Variants in ARHGEF17 observed in about 807,000 individuals in gnomAD.
ARHGEF17 encodes the protein Rho guanine nucleotide exchange factor 17.
A neutral mutation model predicts 174.0 loss-of-function variants in ARHGEF17; 80 were observed. That is an observed-to-expected ratio of 0.46 (90% confidence interval 0.38 to 0.55). The LOEUF is 0.55. Ranked by LOEUF, ARHGEF17 falls within the 20% of genes least tolerant of loss-of-function variation. The pLI is 0.00. For synonymous variants in ARHGEF17, 1,311 were observed against 1,189.1 expected, an observed-to-expected ratio of 1.10 and a Z score of -2.11; for missense variants, 2,886 against 2,839.7, an observed-to-expected ratio of 1.02 and a Z score of -0.37.
intron 7 of ARHGEF17, 58 bp from the exon 8 acceptor site, chr11:73,356,967 G>A: frequency 6.4e-7 from 1 of 1,571,768 alleles, no homozygotes; most frequent in South Asian, 1.1e-5. Context: ...ACTATGGGCA[G>A]GGGGGTGGGC....
intron 1 of ARHGEF17, among the ~76,000 whole-genome samples, chr11:73,328,754 C>T (rs1865143644): frequency 6.6e-6 from 1 of 152,222 alleles, no homozygotes; most frequent in Admixed American, 6.5e-5. Flanking sequence ...TCAGTGGGAA[C>T]CTCGTCCTCT....
rs779602740 is a variant in ARHGEF17 at position 73,310,266 on chromosome 11, G to A, written c.1628G>A (p.Arg543Lys). The change falls in exon 1 of 21, where the codon AGA (arginine) becomes AAA (lysine). Residue 543 changes from arginine (R) to lysine (K), a missense_variant. Physicochemically the swap from Arg to Lys is conservative, Grantham distance 26. Transcript: ENST00000263674. ...AAGGACTTGACAGCCACTCTGCGGA[G>A]AGCAAAGTCATTCACCTGCTCTGAG... ...TLKDLTATLR[R>K]AKSFTCSEKP... 2.5e-6 allele frequency: 4 copies of A among 1,613,908 alleles called. No individual in the cohort carries two copies. Among genetic ancestry groups the A allele is most frequent in the African/African-American group, 1.3e-5 (1 of 74,930 alleles).
At chr11:73,361,852 CAA>C (rs367973557) in intron 12 of ARHGEF17, among the ~76,000 whole-genome samples, 186 bp from the exon 13 acceptor site, 261 of 119,554 alleles carry the variant, frequency 2.2e-3, no homozygotes, top group African/African-American at 7.1e-3. Flanking sequence ...AGAACCAATC[CAA>C]AAAAAAAAAA....
At chr11:73,363,619 G>T in intron 15 of ARHGEF17, 128 bp from the exon 16 acceptor site, 2 of 1,495,396 alleles carry the variant, frequency 1.3e-6, no homozygotes. Context: ...GGGAGGCTGT[G>T]GGACCTCAGT....
intron 2 of ARHGEF17, among the ~76,000 whole-genome samples, chr11:73,350,180 A>G (rs977089527): frequency 2.0e-5 from 3 of 152,248 alleles, no homozygotes; most frequent in Non-Finnish European, 4.4e-5. Context: ...TAGATATTAT[A>G]TTCTTTATAC....
rs554421422 is a variant in ARHGEF17 at position 73,367,714 on chromosome 11, C to T, written c.6126C>T (p.Gly2042=). 10 of 1,614,042 alleles carry T rather than the reference C, an allele frequency of 6.2e-6. No homozygotes were observed. Among genetic ancestry groups the T allele is most frequent in the Middle Eastern group, 1.7e-4 (1 of 6,060 alleles). ...GYEDFRLSSG[G]GSSSETVGRD... ...AGGACTTCCGACTCAGCAGTGGGGG[C>T]GGCAGCAGCAGTGAGACTGTGGGTC... The change falls in exon 21 of 21, where the codon GGC becomes GGT. Residue 2042 remains glycine, a synonymous_variant. Transcript: ENST00000263674.
intron 1 of ARHGEF17, among the ~76,000 whole-genome samples, chr11:73,332,408 T>TGTGTGTGTGTGTGTG: frequency 1.5e-5 from 1 of 67,760 alleles, no homozygotes; most frequent in East Asian, 6.3e-4. Flanking sequence ...TGTGTGTGTG[T>TGTGTGTGTGTGTGTG]ATTTTAAATA....
At chr11:73,343,183 C>T (rs1278863315) in intron 1 of ARHGEF17, 3 of 397,878 alleles carry the variant, frequency 7.5e-6, no homozygotes, top group African/African-American at 6.2e-5. Context: ...TTCACCATCG[C>T]GCTGGAAGAC....
chr11:73,351,402 G>A (rs994115862), intron 2 of ARHGEF17, among the ~76,000 whole-genome samples: 7 of 152,092 alleles, frequency 4.6e-5, no homozygotes, highest in African/African-American at 1.7e-4. Flanking sequence ...CCCCTGAGCT[G>A]GGCTATTAAA....
intron 2 of ARHGEF17, 112 bp from the exon 3 acceptor site, chr11:73,352,718 C>T (rs754925662): frequency 2.2e-5 from 26 of 1,160,222 alleles, no homozygotes; most frequent in Admixed American, 3.9e-5. Context: ...GAAGGCAGGG[C>T]GCTGAGCTGC....
chr11:73,365,584 A>G lies in ARHGEF17; in HGVS notation c.5725+20A>G, dbSNP rs780688805. The G allele has an allele frequency of 4.3e-6, 7 of 1,612,966 alleles. No individual in the cohort carries two copies. The highest frequency in any genetic ancestry group is 5.1e-6 in the Non-Finnish European group (6 of 1,179,074). ...TGGCAGGTACTGACCTCAAACTACC[A>G]CAGCACCCTCCTTGGAGCCTTTCTG... On this transcript the variant is annotated intron_variant, in intron 19 of 20. Coordinates refer to ENST00000263674, the MANE Select transcript of ARHGEF17 (RefSeq NM_014786.4). The surrounding 1 kb of genome is among the most constrained non-coding windows in gnomAD (Gnocchi z 4.9).
chr11:73,349,714 G>A (rs1392120189), intron 2 of ARHGEF17, among the ~76,000 whole-genome samples: 1 of 152,254 alleles, frequency 6.6e-6, no homozygotes, highest in African/African-American at 2.4e-5. Context: ...GAGCAGGCAG[G>A]GCTTGGGCAT....
rs146397383 is a variant in ARHGEF17 at position 73,367,698 on chromosome 11, G to A, written c.6110G>A (p.Arg2037Gln). Reference protein sequence around the residue: ...ISGGDGYEDFRLSSGGGSSSE... With the variant: ...ISGGDGYEDFQLSSGGGSSSE... ...GGAGGTGATGGCTATGAGGACTTCCGACTCAGCAGTGGGGGCGGCAGCAGC... is the reference window on the plus strand; with the variant it reads ...GGAGGTGATGGCTATGAGGACTTCCAACTCAGCAGTGGGGGCGGCAGCAGC... Residue 2037 changes from arginine (R) to glutamine (Q), a missense_variant, in exon 21 of 21, where the codon CGA (arginine) becomes CAA (glutamine). Arg to Gln is a conservative substitution (Grantham distance 43). Around this residue, in one of 4 missense-constraint regions of ARHGEF17, gnomAD observed 329 missense variants for 435.2 expected, o/e 0.76. Coordinates refer to ENST00000263674, the MANE Select transcript of ARHGEF17 (RefSeq NM_014786.4). 292 of 1,613,982 alleles carry A rather than the reference G, an allele frequency of 1.8e-4. No individual in the cohort carries two copies. Among genetic ancestry groups the A allele is most frequent in the Middle Eastern group, 3.3e-4 (2 of 6,084 alleles).
At chr11:73,325,996 A>G (rs2135792908) in intron 1 of ARHGEF17, among the ~76,000 whole-genome samples, 1 of 152,374 alleles carries the variant, frequency 6.6e-6, no homozygotes, top group Admixed American at 6.5e-5. Context: ...AGTCTTGGAT[A>G]ATTAACGCTG....
chr11:73,308,880 C>T lies in ARHGEF17; in HGVS notation c.242C>T (p.Ser81Leu). The T allele has an allele frequency of 1.5e-6, 2 of 1,359,862 alleles. No individual in the cohort carries two copies. Among genetic ancestry groups the T allele is most frequent in the Non-Finnish European group, 1.9e-6 (2 of 1,062,786 alleles). 84.2% of individuals were successfully genotyped at this position (1,359,862 alleles called of 1,614,324 possible). ...CGCCCGCTCCGCAGCCTCTCGCCGT[C>T]GGTTCGCCAGCTCTCCCGGCGCTTC... ...QPRPLRSLSP[S>L]VRQLSRRFDA... Residue 81 changes from serine (S) to leucine (L), a missense_variant, in exon 1 of 21, where the codon TCG (serine) becomes TTG (leucine). Coordinates refer to ENST00000263674, the MANE Select transcript of ARHGEF17 (RefSeq NM_014786.4).
rs765574556 is a variant in ARHGEF17, at chr11:73,360,362, C to A, written c.4249C>A (p.Arg1417=). The A allele has an allele frequency of 6.2e-7, 1 of 1,613,772 alleles. No homozygotes were observed. The highest frequency in any genetic ancestry group is 8.5e-7 in the Non-Finnish European group (1 of 1,180,056). The change falls in exon 11 of 21, where the codon CGG becomes AGG. Residue 1417 remains arginine (R), a synonymous_variant. Coordinates refer to ENST00000263674, the MANE Select transcript of ARHGEF17 (RefSeq NM_014786.4). ...ALRDLSAAMH[R]DLSEKQALCY... The stretch of plus-strand genomic sequence containing the variant: ...GCGGGACCTCTCAGCTGCCATGCAC[C>A]GGGACCTGTCGGAGAAGCAGGCGCT...
intron 1 of ARHGEF17, among the ~76,000 whole-genome samples, chr11:73,321,809 CTG>C (rs1214596574): frequency 6.6e-6 from 1 of 152,156 alleles, no homozygotes. Context: ...TCCTGAGACT[CTG>C]GGGTCTGGAG....
In ARHGEF17 at chr11:73,368,892, C is replaced by G. The variant is rs1565213686; in HGVS notation, c.*1112C>G. On this transcript the variant is annotated 3_prime_UTR_variant, in exon 21 of 21. Transcript: ENST00000263674. ...AGAGAGCCACTCTGACCCTCAGCCC[C>G]CTCGCTTCTTCAGCTAAAACTCCAA... is the stretch of plus-strand genomic sequence containing the variant. 6.6e-6 allele frequency: 1 copy of G among 152,244 alleles called. No homozygotes were observed. The highest frequency in any genetic ancestry group is 1.9e-4 in the East Asian group (1 of 5,186). 9.4% of individuals were successfully genotyped at this position (152,244 alleles called of 1,614,324 possible).
At chr11:73,329,360 TATATATATATATA>T (rs1173531594) in intron 1 of ARHGEF17, among the ~76,000 whole-genome samples, 723 of 19,886 alleles carry the variant, frequency 0.036, 166 homozygotes, top group Non-Finnish European at 0.05. Flanking sequence ...TATATATATA[TATATATATATATA>T]TTTTTTTTTT....
Sources: allele counts gnomAD v4.1 joint callset (sites outside exome capture counted in the v4.1 genomes callset), GRCh38; gene constraint gnomAD v4.1.1; regional missense constraint gnomAD v4.1.1; non-coding constraint Gnocchi (gnomAD v3.1); transcripts MANE v1.5; gene names NCBI Gene and HGNC (gene_info 2026-07-23, HGNC 2026-07-21).